Variants in LRRC49 observed in about 807,000 individuals in gnomAD.
LRRC49 encodes the protein leucine-rich repeat-containing protein 49.
LRRC49 carries 50 observed loss-of-function variants against 83.3 expected under a neutral mutation model. The ratio of observed to expected loss-of-function variants is 0.60; its 90% CI spans 0.48 to 0.76. The LOEUF is 0.76. LRRC49 is among the 30% of genes least tolerant of loss of function. LRRC49 has a pLI of 0.00. For missense variants in LRRC49, 704 were observed against 809.1 expected (o/e 0.87, Z 1.58); for synonymous variants, 286 against 283.3 (o/e 1.01, Z -0.10).
chr15:70,891,590 T>C (rs1473676008), upstream of LRRC49, among the ~76,000 whole-genome samples: 1 of 149,604 alleles, frequency 6.7e-6, no homozygotes, highest in African/African-American at 2.5e-5. Context: ...TGTGTGTGTG[T>C]GTGTGTGTGT....
At chr15:70,974,463 T>C (rs1416477003) in intron 9 of LRRC49, among the ~76,000 whole-genome samples, 2 of 152,240 alleles carry the variant, frequency 1.3e-5, no homozygotes, top group Non-Finnish European at 2.9e-5. Flanking sequence ...TGAGGCTTTT[T>C]TCCTCCAGTC....
intron 2 of LRRC49, chr15:70,894,593 T>C (rs1241641879): frequency 3.1e-6 from 4 of 1,282,282 alleles, no homozygotes; most frequent in South Asian, 2.5e-5. Context: ...ACCTACTTTC[T>C]ACACACTATG....
At chr15:70,867,102 G>T (rs2032930879) in intron 1 of LRRC49, among the ~76,000 whole-genome samples, 1 of 151,254 alleles carries the variant, frequency 6.6e-6, no homozygotes, top group Admixed American at 6.6e-5. Flanking sequence ...GCAGAAGACA[G>T]CACATCTCAA....
rs745978238 is a variant in LRRC49, at chr15:70,895,901, A to G, written c.158A>G (p.Gln53Arg). ...TCGTCATTCCCCGGTAGACTTTTAC[A>G]ACATGACCTTGAAAGAAACTACTCA... ...DTSSFPGRLL[Q>R]HDLERNYSSR... Residue 53 changes from glutamine to arginine, a missense_variant, in exon 3 of 16, where the codon CAA becomes CGA. Transcript: ENST00000260382. 5.0e-6 allele frequency: 8 copies of G among 1,611,592 alleles called. No individual in the cohort carries two copies. The highest frequency in any genetic ancestry group is 6.8e-6 in the Non-Finnish European group (8 of 1,178,656).
chr15:71,015,963 A>G (rs904854826), intron 14 of LRRC49, among the ~76,000 whole-genome samples: 4 of 152,222 alleles, frequency 2.6e-5, no homozygotes, highest in African/African-American at 9.6e-5. Context: ...TCTTATATGA[A>G]ACGGTTAAGG....
chr15:70,984,131 A>T lies in LRRC49; in HGVS notation c.1043A>T (p.Gln348Leu). Residue 348 changes from glutamine (Q) to leucine (L), a missense_variant, in exon 11 of 16, where the codon CAG becomes CTG. Physicochemically the swap from Gln to Leu is moderately radical, Grantham distance 113. This residue lies in a region of LRRC49 where 168 missense variants were observed against 140.6 expected (regional missense o/e 1.20). Coordinates refer to ENST00000260382, the MANE Select transcript of LRRC49 (RefSeq NM_017691.5). ...TTAACAATTAACAACGTAGCTCGAC[A>T]GTGGGACTTGCAACAACAACGAGTA... The part of the protein sequence containing the change: ...KRLTINNVAR[Q>L]WDLQQQRVAN... The T allele has an allele frequency of 4.4e-6, 7 of 1,593,246 alleles. No individual in the cohort carries two copies. The highest frequency in any genetic ancestry group is 2.3e-5 in the East Asian group (1 of 43,324).
At chr15:70,853,854 C>T in intron 1 of LRRC49, 1 of 1,227,710 alleles carries the variant, frequency 8.1e-7, no homozygotes. Flanking sequence ...GGCGCCCCCT[C>T]GGGGCCCACC....
At chr15:70,979,534 G>T (rs147844024) in intron 9 of LRRC49, among the ~76,000 whole-genome samples, 1 of 151,350 alleles carries the variant, frequency 6.6e-6, no homozygotes, top group Middle Eastern at 3.2e-3. Context: ...TATTAACTAC[G>T]GTCATCATGC....
rs565550219 is a variant in LRRC49 at position 70,984,724 on chromosome 15, A to G, written c.1169+467A>G. 1.0e-3 allele frequency among the ~76,000 whole-genome samples: 157 copies of G among 151,168 alleles called. 1 individual carries two copies. The highest frequency in any genetic ancestry group is 3.6e-3 in the African/African-American group (149 of 41,232). ...TACATGTGCCATGCTGGTGTGCTGC[A>G]CCAATTAACTCGTCATTTAGCATTA... On this transcript the variant is annotated intron_variant, in intron 11 of 15. Transcript: ENST00000260382.
At chr15:70,981,386 C>T (rs1458521807) in intron 10 of LRRC49, among the ~76,000 whole-genome samples, 2 of 151,608 alleles carry the variant, frequency 1.3e-5, no homozygotes, top group African/African-American at 2.4e-5. Context: ...AGGAGAAATA[C>T]CTAATGTAGA....
intron 9 of LRRC49, among the ~76,000 whole-genome samples, chr15:70,976,350 C>A (rs1448604522): frequency 6.6e-6 from 1 of 152,144 alleles, no homozygotes; most frequent in African/African-American, 2.4e-5. Context: ...AGGGAAAAAA[C>A]CCTGTGATTT....
At chr15:70,995,968 G>C (rs1251743660) in intron 11 of LRRC49, among the ~76,000 whole-genome samples, 1 of 152,100 alleles carries the variant, frequency 6.6e-6, no homozygotes, top group Non-Finnish European at 1.5e-5. Context: ...GATGTGGGGG[G>C]TTCAATGGAG....
intron 2 of LRRC49, among the ~76,000 whole-genome samples, chr15:70,879,623 T>C (rs1048131575): frequency 7.8e-4 from 118 of 152,252 alleles, no homozygotes; most frequent in African/African-American, 2.7e-3. Flanking sequence ...TAGTCAGAGA[T>C]TTGGGTGGAG....
At chr15:70,882,662 T>A in intron 2 of LRRC49, 1 of 1,612,940 alleles carries the variant, frequency 6.2e-7, no homozygotes, top group Non-Finnish European at 8.5e-7. Context: ...TGAAAGAGAA[T>A]AAGCATAAGT....
intron 8 of LRRC49, among the ~76,000 whole-genome samples, chr15:70,945,823 G>A (rs2035989335): frequency 6.6e-6 from 1 of 152,056 alleles, no homozygotes; most frequent in Non-Finnish European, 1.5e-5. Context: ...AAACAGTTAG[G>A]CTTGTTTATC....
In LRRC49 at chr15:70,919,056, A is replaced by T; in HGVS notation, c.574A>T (p.Lys192Ter). Residue 192 changes from lysine (K) to a stop codon, truncating the protein, a stop_gained, in exon 7 of 16, where the codon AAA becomes TAA. Transcript: ENST00000260382. LOFTEE classifies it high-confidence loss of function. Reference sequence around the variant, plus strand: ...CTCCTATTTTCTTTAACAGATTACCAAAATTGAAAATATTAATCATTTGTG... The same window carrying T: ...CTCCTATTTTCTTTAACAGATTACCTAAATTGAAAATATTAATCATTTGTG... ...VLDLHGNQITKIENINHLCEL... is the reference protein window; with the variant it reads ...VLDLHGNQIT 2 of 1,610,692 alleles carry T rather than the reference A, an allele frequency of 1.2e-6. No homozygotes were observed. Among genetic ancestry groups the T allele is most frequent in the Non-Finnish European group, 1.7e-6 (2 of 1,178,438 alleles).
chr15:70,910,375 T>C (rs2034501704), intron 5 of LRRC49, among the ~76,000 whole-genome samples: 1 of 152,080 alleles, frequency 6.6e-6, no homozygotes, highest in Admixed American at 6.5e-5. Flanking sequence ...ACACACTACA[T>C]ATATATATCA....
At chr15:70,927,829 G>A (rs1394133233) in intron 7 of LRRC49, among the ~76,000 whole-genome samples, 3 of 151,812 alleles carry the variant, frequency 2.0e-5, no homozygotes, top group Non-Finnish European at 4.4e-5. Context: ...TTTATTTTTT[G>A]TAGAGATGGG....
chr15:70,985,601 T>G (rs2037580131), intron 11 of LRRC49, among the ~76,000 whole-genome samples: 1 of 152,194 alleles, frequency 6.6e-6, no homozygotes, highest in African/African-American at 2.4e-5. Flanking sequence ...CTGATGGTAG[T>G]TTCTTTTGCT....
Sources: gnomAD v4.1 joint callset for allele counts (sites outside exome capture counted in the v4.1 genomes callset) on GRCh38, gnomAD v4.1.1 for gene constraint, gnomAD v4.1.1 regional missense constraint, MANE v1.5 for transcripts, NCBI Gene and HGNC (gene_info 2026-07-23, HGNC 2026-07-21) for gene names.